The following ARHGEF10 variants were observed in gnomAD, a reference collection of about 807,000 sequenced individuals.
The protein encoded by ARHGEF10 is Rho guanine nucleotide exchange factor (GEF) 10.
In ARHGEF10, 140 loss-of-function variants were observed where a neutral mutation model predicts 147.4. The observed-to-expected ratio is 0.95, with a 90% confidence interval of 0.83 to 1.09. ARHGEF10 has a LOEUF of 1.09. Among genes scored for constraint, ARHGEF10 ranks in the 50% least tolerant of loss-of-function variants. The pLI is 0.00. For missense variants in ARHGEF10, 2,222 were observed against 1,752.7 expected, an observed-to-expected ratio of 1.27 and a Z score of -4.78; for synonymous variants, 902 against 695.8, an observed-to-expected ratio of 1.30 and a Z score of -4.67.
chr8:1,888,345 C>T (rs938314688), intron 11 of ARHGEF10, among the ~76,000 whole-genome samples: 1 of 116,310 alleles, frequency 8.6e-6, no homozygotes, highest in African/African-American at 3.9e-5. Flanking sequence ...TGAGGAGACA[C>T]TGAGTGGGGT....
chr8:1,936,670 A>C (rs1813636884), intron 26 of ARHGEF10, among the ~76,000 whole-genome samples: 1 of 152,224 alleles, frequency 6.6e-6, no homozygotes, highest in Non-Finnish European at 1.5e-5. Flanking sequence ...GCTTCTAAAA[A>C]TACTTCTCTA....
At chr8:1,953,531 G>A (rs1563336290) in intron 28 of ARHGEF10, among the ~76,000 whole-genome samples, 1 of 152,274 alleles carries the variant, frequency 6.6e-6, no homozygotes, top group African/African-American at 2.4e-5. Context: ...ACATGCTTGT[G>A]TGTCTGGAAT....
Position 1,857,951 on chromosome 8 carries a change from T to C in ARHGEF10, c.38-9T>C, listed in dbSNP as rs201522949. On this transcript the variant is annotated splice_polypyrimidine_tract_variant and intron_variant, in intron 2 of 28. Coordinates refer to ENST00000349830, the MANE Select transcript of ARHGEF10 (RefSeq NM_014629.4). ...CTCTCCTTGATGTGGTTTTGGTTTT[T>C]CTTTTTAGAAAATGAAATGAAATAT... 2 of 1,594,790 alleles carry C rather than the reference T, an allele frequency of 1.3e-6. No homozygotes were observed. Among genetic ancestry groups the C allele is most frequent in the Non-Finnish European group, 1.7e-6 (2 of 1,167,070 alleles).
intron 26 of ARHGEF10, among the ~76,000 whole-genome samples, chr8:1,942,124 T>C (rs1814144757): frequency 6.6e-6 from 1 of 151,722 alleles, no homozygotes; most frequent in South Asian, 2.1e-4. Flanking sequence ...TACACTGGGC[T>C]TCATTAAAGT....
At chr8:1,833,752 C>G (rs1254512406) in intron 1 of ARHGEF10, among the ~76,000 whole-genome samples, 4 of 152,238 alleles carry the variant, frequency 2.6e-5, no homozygotes, top group African/African-American at 9.6e-5. Context: ...CCTGCAGATC[C>G]CGGCCCCACT....
intron 26 of ARHGEF10, among the ~76,000 whole-genome samples, chr8:1,940,663 G>A (rs1814014690): frequency 1.3e-5 from 2 of 152,144 alleles, no homozygotes; most frequent in Admixed American, 1.3e-4. Flanking sequence ...CGATACCAAA[G>A]ACATGACAAG....
intron 1 of ARHGEF10, among the ~76,000 whole-genome samples, chr8:1,827,268 G>A (rs1246579689): frequency 6.6e-6 from 1 of 152,142 alleles, no homozygotes; most frequent in East Asian, 1.9e-4. Flanking sequence ...TTTTGGTTCT[G>A]TTTGTTTGTT....
At chr8:1,846,618 C>T (rs188085249) in intron 2 of ARHGEF10, among the ~76,000 whole-genome samples, 251 of 152,218 alleles carry the variant, frequency 1.6e-3, no homozygotes, top group Admixed American at 3.7e-3. Flanking sequence ...CGCTCTCTCA[C>T]CCAGGCTGGA....
chr8:1,893,753 T>A (rs1212305772), intron 12 of ARHGEF10, 107 bp downstream of exon 12: 2 of 878,836 alleles, frequency 2.3e-6, no homozygotes, highest in Non-Finnish European at 3.7e-6. Flanking sequence ...AAACATAACA[T>A]GCAAATTTGC....
chr8:1,913,769 C>T (rs542711522), intron 18 of ARHGEF10, among the ~76,000 whole-genome samples: 6 of 152,342 alleles, frequency 3.9e-5, no homozygotes, highest in African/African-American at 4.8e-5. Context: ...GTCCCGGAAG[C>T]GTGTCCTGAG....
intron 18 of ARHGEF10, among the ~76,000 whole-genome samples, chr8:1,919,382 GTGATGGAGCTGTTCCATGGA>G (rs1812032128): frequency 1.3e-5 from 2 of 148,952 alleles, no homozygotes; most frequent in African/African-American, 2.5e-5. Flanking sequence ...TGTTCTCTGG[GTGATGGAGCTGTTCCATGGA>G]TGATGGAGCT....
rs2129135775 is a variant in ARHGEF10 at position 1,887,159 on chromosome 8, A to T, written c.1182+1452A>T. Reference sequence around the variant, plus strand: ...GGTGAGGACACACCATGTGAGAGGAACTTGGATCCTGCACTCTGAGAACTT... The same window carrying T: ...GGTGAGGACACACCATGTGAGAGGATCTTGGATCCTGCACTCTGAGAACTT... On this transcript the variant is annotated intron_variant, in intron 11 of 28. Transcript: ENST00000349830. Among the ~76,000 whole-genome samples, 3 of 152,342 alleles carry T rather than the reference A, an allele frequency of 2.0e-5. No individual in the cohort carries two copies. In the South Asian group the frequency reaches 6.2e-4, roughly 32 times the overall value.
chr8:1,907,412 G>A (rs931803930), intron 17 of ARHGEF10, among the ~76,000 whole-genome samples: 2 of 152,164 alleles, frequency 1.3e-5, no homozygotes, highest in African/African-American at 4.8e-5. Flanking sequence ...CCTGCCCTGG[G>A]AGACAAGATC....
Position 1,882,735 on chromosome 8 carries a change from C to T in ARHGEF10, c.1061C>T (p.Ser354Phe). The change falls in exon 10 of 29, where the codon TCT (serine) becomes TTT (phenylalanine). Residue 354 changes from serine to phenylalanine, a missense_variant. Physicochemically the swap from Ser to Phe is radical, Grantham distance 155. Transcript: ENST00000349830. ...KRGRSFIRTK[S>F]LIAQDHRSSL... ...GGCCGCTCCTTCATCAGGACCAAGT[C>T]TCTCATCGCACAGGGTCCGTGCCTG... The T allele has an allele frequency of 6.5e-7, 1 of 1,549,894 alleles. No individual in the cohort carries two copies. The highest frequency in any genetic ancestry group is 8.7e-7 in the Non-Finnish European group (1 of 1,146,822).
intron 6 of ARHGEF10, among the ~76,000 whole-genome samples, chr8:1,868,472 A>G (rs1806807245): frequency 2.0e-5 from 3 of 152,210 alleles, no homozygotes; most frequent in Non-Finnish European, 4.4e-5. Context: ...ACTCTTACAG[A>G]TATTTGAGTA....
At chr8:1,936,426 C>T (rs1262193217) in intron 26 of ARHGEF10, among the ~76,000 whole-genome samples, 1 of 152,148 alleles carries the variant, frequency 6.6e-6, no homozygotes, top group Non-Finnish European at 1.5e-5. Context: ...GGGAGGATCA[C>T]TTGAGCCCAC....
At chr8:1,863,708 G>C (rs1316262611) in intron 4 of ARHGEF10, among the ~76,000 whole-genome samples, 1 of 152,128 alleles carries the variant, frequency 6.6e-6, no homozygotes, top group African/African-American at 2.4e-5. Flanking sequence ...GCTGTCCTTG[G>C]ATGGTCTAAG....
chr8:1,874,705 G>A lies in ARHGEF10; in HGVS notation c.680-1866G>A, dbSNP rs1197074329. On this transcript the variant is annotated intron_variant, in intron 7 of 28. Coordinates refer to ENST00000349830, the MANE Select transcript of ARHGEF10 (RefSeq NM_014629.4). ...TTCTAAGACAGTCTGGAGGGAGAGT[G>A]CAGACACACACCGGGGTGTGTAAGC... Among the ~76,000 whole-genome samples the A allele has an allele frequency of 5.3e-5, 8 of 151,708 alleles. No individual in the cohort carries two copies. In the South Asian group the frequency reaches 1.2e-3, roughly 24 times the overall value.
intron 11 of ARHGEF10, among the ~76,000 whole-genome samples, chr8:1,889,877 G>A (rs1405911703): frequency 4.4e-5 from 6 of 137,034 alleles, no homozygotes; most frequent in African/African-American, 1.9e-4. Flanking sequence ...TGTGGTGAGG[G>A]TTTGTGAGGA....
Sources: allele counts gnomAD v4.1 joint callset (sites outside exome capture counted in the v4.1 genomes callset), GRCh38; gene constraint gnomAD v4.1.1; transcripts MANE v1.5; gene names NCBI Gene and HGNC (gene_info 2026-07-23, HGNC 2026-07-21).